The following ADAMTSL5 variants were observed in gnomAD, a reference collection of about 807,000 sequenced individuals.
ADAMTSL5 encodes the protein ADAMTS like 5, also known as ADAMTS-like protein 5.
Under a neutral mutation model 51.7 loss-of-function variants are expected in ADAMTSL5, and 53 were observed. The observed-to-expected ratio is 1.03, with a 90% CI of 0.82 to 1.29. The LOEUF (loss-of-function observed/expected upper bound fraction) is 1.29. Ranked by LOEUF, ADAMTSL5 falls within the 50% of genes most tolerant of loss-of-function variation. The pLI is 0.00. For synonymous variants in ADAMTSL5, 285 were observed against 278.7 expected (o/e 1.02, Z -0.23); for missense variants, 770 against 676.2 (o/e 1.14, Z -1.54).
At chr19:1,507,862 A>T in intron 7 of ADAMTSL5, 136 bp downstream of exon 7, 2 of 1,069,982 alleles carry the variant, frequency 1.9e-6, no homozygotes, top group South Asian at 1.5e-5. Context: ...ACAATCTGTC[A>T]GTAGCCAATC....
rs371639976 is a variant in ADAMTSL5 at position 1,506,589 on chromosome 19, C to T, written c.1114+1G>A. On this transcript the variant is annotated splice_donor_variant, in intron 11 of 11. Transcript: ENST00000330475. LOFTEE classifies it high-confidence loss of function. The surrounding 1 kb of genome is among the most constrained non-coding windows in gnomAD (Gnocchi z 5.6). ...GTCAGGGTAGAGGTCGGGGGTCTCACCAAAGTCACTGCCGCAATAGTGGAG... is the reference window on the plus strand; with the variant it reads ...GTCAGGGTAGAGGTCGGGGGTCTCATCAAAGTCACTGCCGCAATAGTGGAG... The T allele has an allele frequency of 9.9e-6, 16 of 1,610,900 alleles. No individual in the cohort carries two copies. The highest frequency in any genetic ancestry group is 1.4e-5 in the Non-Finnish European group (16 of 1,179,190).
intron 5 of ADAMTSL5, 168 bp from the exon 6 acceptor site, chr19:1,508,738 C>T (rs55810939): frequency 0.19 from 164,920 of 861,462 alleles, 24,616 homozygotes; most frequent in East Asian, 0.81. Context: ...AGGTGCTCTG[C>T]GTCCAGCAAC....
chr19:1,507,170 A>T, intron 9 of ADAMTSL5, 72 bp downstream of exon 9: 1 of 1,459,350 alleles, frequency 6.9e-7, no homozygotes, highest in Admixed American at 2.6e-5. Flanking sequence ...CTCCACTCCT[A>T]CCCTCTGTCC....
At chr19:1,511,977 G>T (rs1467715377) in intron 1 of ADAMTSL5, among the ~76,000 whole-genome samples, 1 of 152,238 alleles carries the variant, frequency 6.6e-6, no homozygotes, top group Non-Finnish European at 1.5e-5. Context: ...GGCTGGAGCA[G>T]GGAAGGGGAG....
chr19:1,507,436 T>C, intron 8 of ADAMTSL5, 31 bp from the exon 9 acceptor site: 2 of 1,593,276 alleles, frequency 1.3e-6, no homozygotes, highest in Non-Finnish European at 1.7e-6. Flanking sequence ...CTCAGGAACC[T>C]GTCGTCTCGT....
chr19:1,511,891 T>G (rs1913281491), intron 1 of ADAMTSL5: 1 of 280,246 alleles, frequency 3.6e-6, no homozygotes, highest in African/African-American at 2.2e-5. Context: ...GTCCGTTCGG[T>G]GCCTCATGGC....
chr19:1,508,214 G>A, intron 6 of ADAMTSL5, 105 bp from the exon 7 acceptor site: 1 of 1,343,590 alleles, frequency 7.4e-7, no homozygotes, highest in Non-Finnish European at 1.0e-6. Flanking sequence ...AGGGAAGATG[G>A]GGGTGGAGCC....
In ADAMTSL5 at chr19:1,510,647, GCGCCGGCTGCGCACAGAGACGCCA is replaced by G; in HGVS notation, c.159_182del (p.Gly54_Arg61del). 1 of 1,537,066 alleles carries G rather than the reference GCGCCGGCTGCGCACAGAGACGCCA, an allele frequency of 6.5e-7. No homozygotes were observed. Among genetic ancestry groups the G allele is most frequent in the South Asian group, 1.2e-5 (1 of 83,044 alleles). ...CTCCGGGCCCCGCTCACCGGAGGCAGCGCCGGCTGCGCACAGAGACGCCACGCCCGCAGGAGCTGGAGCAGCGGG... is the reference window on the plus strand; with the variant it reads ...CTCCGGGCCCCGCTCACCGGAGGCAGCGCCCGCAGGAGCTGGAGCAGCGGG... On this transcript the variant is annotated inframe_deletion, in exon 3 of 12. Transcript: ENST00000330475.
At position 1,506,809 on chromosome 19, in the gene ADAMTSL5, G is replaced by C; in HGVS notation, c.972C>G (p.Pro324=). The C allele has an allele frequency of 6.5e-7, 1 of 1,541,712 alleles. No individual in the cohort carries two copies. The highest frequency in any genetic ancestry group is 8.7e-7 in the Non-Finnish European group (1 of 1,144,294). ...CGGGGGGCTGAGGCTCCACCCCCCG[G>C]GGCTGAGGCTGCCTCAGGGGCCAGC... is the stretch of plus-strand genomic sequence containing the variant. ...ALGWPLRQPQ[P]RGVEPQPPAA... Residue 324 remains proline, a synonymous_variant, in exon 10 of 12, where the codon CCC becomes CCG. Coordinates refer to ENST00000330475, the MANE Select transcript of ADAMTSL5 (RefSeq NM_213604.3). This position sits in a 1 kb window ranked among gnomAD's most constrained non-coding sequence, Gnocchi z 5.6.
At chr19:1,508,160 CCT>C in intron 6 of ADAMTSL5, 51 bp from the exon 7 acceptor site, 1 of 1,482,410 alleles carries the variant, frequency 6.7e-7, no homozygotes, top group African/African-American at 6.0e-5. Flanking sequence ...AGGGGCAGGA[CCT>C]GGGGAAAGGG....
At chr19:1,511,675 C>T (rs1461330856) in intron 1 of ADAMTSL5, 16 of 1,000,476 alleles carry the variant, frequency 1.6e-5, no homozygotes, top group Non-Finnish European at 2.1e-5. Flanking sequence ...GCCTCAGTTT[C>T]CCCATCTGTG....
chr19:1,507,360 A>G lies in ADAMTSL5; in HGVS notation c.734T>C (p.Val245Ala). ...DGRYVLNGHW[V>A]VSPPGTYEAA... is the part of the protein sequence containing the mutation. ...CTCGTAGGTCCCTGGTGGGCTGACC[A>G]CCCAGTGCCCATTAAGCACGTAGCG... Residue 245 changes from valine (V) to alanine (A), a missense_variant, in exon 9 of 12, where the codon GTG becomes GCG. Physicochemically the swap from Val to Ala is moderately conservative, Grantham distance 64. Coordinates refer to ENST00000330475, the MANE Select transcript of ADAMTSL5 (RefSeq NM_213604.3). The G allele has an allele frequency of 6.3e-7, 1 of 1,583,604 alleles. No individual in the cohort carries two copies. The highest frequency in any genetic ancestry group is 8.6e-7 in the Non-Finnish European group (1 of 1,163,738).
chr19:1,510,240 C>T lies in ADAMTSL5; in HGVS notation c.271G>A (p.Val91Met), dbSNP rs957795150. 2 of 1,613,274 alleles carry T rather than the reference C, an allele frequency of 1.2e-6. No individual in the cohort carries two copies. Among genetic ancestry groups the T allele is most frequent in the African/African-American group, 1.3e-5 (1 of 74,920 alleles). The part of the protein sequence containing the change: ...CQLPDCPPGA[V>M]PFRDLQCALY... ...GCACACTGTAGGTCTCGGAAGGGCA[C>T]AGCCCCTGGGGGGCAGTCCTAGGGA... is the stretch of plus-strand genomic sequence containing the variant. Residue 91 changes from valine (V) to methionine (M), a missense_variant, in exon 5 of 12, where the codon GTG becomes ATG. Coordinates refer to ENST00000330475, the MANE Select transcript of ADAMTSL5 (RefSeq NM_213604.3).
At position 1,507,512 on chromosome 19, in the gene ADAMTSL5, CCCGGGTGCCCAG is replaced by C. The variant is rs371965685; in HGVS notation, c.688+33_688+44del. 1.2e-3 allele frequency: 1,994 copies of C among 1,612,556 alleles called. 18 individuals are homozygous for C. In the African/African-American group the frequency reaches 0.022, roughly 18 times the overall value. On this transcript the variant is annotated intron_variant, in intron 8 of 11. Coordinates refer to ENST00000330475, the MANE Select transcript of ADAMTSL5 (RefSeq NM_213604.3). ...CCATCTGTAAACAGGGACAACCGCC[CCCGGGTGCCCAG>C]CCGGGTGCCTCTCGCCTCACATCCT... is the stretch of plus-strand genomic sequence containing the variant.
Position 1,508,618 on chromosome 19 carries a change from A to C in ADAMTSL5, c.362-48T>G, listed in dbSNP as rs949413897. Reference sequence around the variant, plus strand: ...GGCCGGGGACCCCTGTTCGAGCTCCAGTCCCCCTCTACCAAGCTTCATCAG... The same window carrying C: ...GGCCGGGGACCCCTGTTCGAGCTCCCGTCCCCCTCTACCAAGCTTCATCAG... On this transcript the variant is annotated intron_variant, in intron 5 of 11. Coordinates refer to ENST00000330475, the MANE Select transcript of ADAMTSL5 (RefSeq NM_213604.3). 4.1e-6 allele frequency: 6 copies of C among 1,465,994 alleles called. No homozygotes were observed. In the Admixed American group the frequency reaches 1.4e-4, roughly 34 times the overall value. The allele number at this position is 1,465,994 out of a possible 1,614,324, so 90.8% of individuals were successfully genotyped here. A position where few individuals can be genotyped will look rare whatever the true frequency, so the allele number is the denominator to read the frequency against.
chr19:1,508,308 G>T, intron 6 of ADAMTSL5, 135 bp downstream of exon 6: 2 of 1,050,490 alleles, frequency 1.9e-6, no homozygotes, highest in Non-Finnish European at 1.3e-6. Flanking sequence ...GCAGGGCCTG[G>T]AAGGGGAGGG....
In ADAMTSL5 at chr19:1,510,502, G is replaced by A. The variant is rs568079215; in HGVS notation, c.192-74C>T. On this transcript the variant is annotated intron_variant, in intron 3 of 11. Transcript: ENST00000330475. ...GGCTGGCCTTCCACCCTCCGCCCCC[G>A]CCAACCCCACCCGCATTCCAGCGGG... 9.6e-5 allele frequency: 146 copies of A among 1,517,390 alleles called. 2 individuals carry two copies. The South Asian group carries it at 1.5e-3, about 15-fold the overall frequency. The allele number at this position is 1,517,390 out of a possible 1,614,324, so 94.0% of individuals were successfully genotyped here. A position where few individuals can be genotyped will look rare whatever the true frequency, so the allele number is the denominator to read the frequency against.
Position 1,506,582 on chromosome 19 carries a change from G to T in ADAMTSL5, c.1114+8C>A, listed in dbSNP as rs750025122. 2 of 1,610,986 alleles carry T rather than the reference G, an allele frequency of 1.2e-6. No individual in the cohort carries two copies. Among genetic ancestry groups the T allele is most frequent in the South Asian group, 2.2e-5 (2 of 90,124 alleles). ...GGGCTAAGTCAGGGTAGAGGTCGGG[G>T]GTCTCACCAAAGTCACTGCCGCAAT... is the stretch of plus-strand genomic sequence containing the variant. On this transcript the variant is annotated splice_region_variant and intron_variant, in intron 11 of 11. Transcript: ENST00000330475. The surrounding 1 kb of genome is among the most constrained non-coding windows in gnomAD (Gnocchi z 5.6).
At position 1,507,318 on chromosome 19, in the gene ADAMTSL5, A is replaced by G. The variant is rs752989867; in HGVS notation, c.776T>C (p.Val259Ala). The G allele has an allele frequency of 2.5e-6, 4 of 1,595,912 alleles. No individual in the cohort carries two copies. Among genetic ancestry groups the G allele is most frequent in the Non-Finnish European group, 2.6e-6 (3 of 1,170,260 alleles). ...GGGCCCTGTGTCTCGGGTGTAGACC[A>G]CATGCGTGCCGGCCGCCTCGTAGGT... ...PGTYEAAGTH[V>A]VYTRDTGPQE... The change falls in exon 9 of 12, where the codon GTG becomes GCG. Residue 259 changes from valine to alanine, a missense_variant. Physicochemically the swap from Val to Ala is moderately conservative, Grantham distance 64. Transcript: ENST00000330475.
Sources: gnomAD v4.1 joint callset for allele counts (sites outside exome capture counted in the v4.1 genomes callset) on GRCh38, gnomAD v4.1.1 for gene constraint, Gnocchi (gnomAD v3.1) non-coding constraint, MANE v1.5 for transcripts, NCBI Gene and HGNC (gene_info 2026-07-23, HGNC 2026-07-21) for gene names.